Variants in THSD7B observed in about 807,000 individuals in gnomAD.
THSD7B encodes the protein thrombospondin type-1 domain-containing protein 7B.
A neutral mutation model predicts 213.6 loss-of-function variants in THSD7B; 138 were observed. The ratio of observed to expected loss-of-function variants is 0.65; its 90% CI spans 0.56 to 0.74. The LOEUF (loss-of-function observed/expected upper bound fraction) is 0.74. Among genes scored for constraint, THSD7B ranks in the 30% least tolerant of loss-of-function variants. THSD7B has a pLI of 0.00. For missense variants in THSD7B, 1,931 were observed against 1,991.5 expected (o/e 0.97, Z 0.58); for synonymous variants, 742 against 687.0 (o/e 1.08, Z -1.25).
At chr2:137,108,754 C>A (rs1688297980) in intron 4 of THSD7B, among the ~76,000 whole-genome samples, 1 of 152,138 alleles carries the variant, frequency 6.6e-6, no homozygotes, top group Non-Finnish European at 1.5e-5. Context: ...ACTCGTGAAC[C>A]ATTTCCTGAG....
intron 1 of THSD7B, among the ~76,000 whole-genome samples, chr2:136,797,530 C>T (rs1172923640): frequency 1.3e-5 from 2 of 151,962 alleles, no homozygotes; most frequent in Non-Finnish European, 1.5e-5. Flanking sequence ...CGAGCTTGTT[C>T]ATGCGTTGCA....
At chr2:136,927,895 A>G (rs1468226921) in intron 2 of THSD7B, among the ~76,000 whole-genome samples, 1 of 152,252 alleles carries the variant, frequency 6.6e-6, no homozygotes. Flanking sequence ...TGATTGCCTT[A>G]TAAAGACACT....
chr2:137,309,911 G>T (rs1312822787), intron 12 of THSD7B, among the ~76,000 whole-genome samples: 2 of 152,038 alleles, frequency 1.3e-5, no homozygotes, highest in Non-Finnish European at 2.9e-5. Context: ...TATCATTGTT[G>T]GACATTTGGG....
chr2:137,469,499 A>C (rs1688053080), intron 15 of THSD7B, among the ~76,000 whole-genome samples: 2 of 152,156 alleles, frequency 1.3e-5, no homozygotes. Context: ...TACGTGTCAC[A>C]AAATTCCCAT....
At chr2:137,279,267 AGCTCAT>A (rs993708206) in intron 12 of THSD7B, among the ~76,000 whole-genome samples, 1 of 152,112 alleles carries the variant, frequency 6.6e-6, no homozygotes, top group Non-Finnish European at 1.5e-5. Context: ...CAGGTGTGAT[AGCTCAT>A]GCCTGTAATC....
At chr2:137,412,521 CG>C (rs34211679) in intron 14 of THSD7B, among the ~76,000 whole-genome samples, 1 of 144,554 alleles carries the variant, frequency 6.9e-6, no homozygotes, top group Admixed American at 7.0e-5. Flanking sequence ...TGCTTGAACC[CG>C]GGGGGCAGAG....
At chr2:137,350,468 G>T (rs1684988200) in intron 12 of THSD7B, among the ~76,000 whole-genome samples, 1 of 151,850 alleles carries the variant, frequency 6.6e-6, no homozygotes, top group Non-Finnish European at 1.5e-5. Flanking sequence ...GAAAGTCAGA[G>T]AGTGGCACCC....
At chr2:136,894,335 C>A (rs1199563865) in intron 2 of THSD7B, among the ~76,000 whole-genome samples, 1 of 152,166 alleles carries the variant, frequency 6.6e-6, no homozygotes, top group Non-Finnish European at 1.5e-5. Context: ...TTTTCAAATA[C>A]TGATGACTGT....
chr2:137,014,315 T>G (rs1019872679), intron 2 of THSD7B, among the ~76,000 whole-genome samples: 1 of 152,180 alleles, frequency 6.6e-6, no homozygotes, highest in Admixed American at 6.5e-5. Flanking sequence ...ATCAGCCCAG[T>G]GTAATGGGGC....
At chr2:137,635,949 C>T (rs529010974) in intron 20 of THSD7B, among the ~76,000 whole-genome samples, 36 of 152,218 alleles carry the variant, frequency 2.4e-4, no homozygotes, top group African/African-American at 7.0e-4. Flanking sequence ...GTGATCTGCC[C>T]GTCTTGCATC....
At chr2:137,397,307 T>G (rs1369191047) in intron 12 of THSD7B, among the ~76,000 whole-genome samples, 1 of 152,172 alleles carries the variant, frequency 6.6e-6, no homozygotes, top group African/African-American at 2.4e-5. Flanking sequence ...TGGTACCGGT[T>G]GTTCCTTTCC....
intron 7 of THSD7B, among the ~76,000 whole-genome samples, chr2:137,176,014 A>G (rs908037756): frequency 2.6e-5 from 4 of 152,182 alleles, no homozygotes; most frequent in African/African-American, 9.6e-5. Context: ...TGTTGTTAAC[A>G]AATGCTGCTT....
chr2:137,242,655 G>T, intron 10 of THSD7B, 83 bp downstream of exon 10: 1 of 1,010,520 alleles, frequency 9.9e-7, no homozygotes, highest in Non-Finnish European at 1.5e-6. Flanking sequence ...GTTGTGGAAT[G>T]TGAGCACCTT....
intron 15 of THSD7B, among the ~76,000 whole-genome samples, chr2:137,477,237 A>G (rs1005888798): frequency 1.3e-5 from 2 of 152,082 alleles, no homozygotes; most frequent in Non-Finnish European, 2.9e-5. Context: ...CTTCTTGCTG[A>G]ATTTATCCTT....
chr2:136,943,587 A>G (rs1456354585), intron 2 of THSD7B, among the ~76,000 whole-genome samples: 3 of 152,116 alleles, frequency 2.0e-5, no homozygotes, highest in Admixed American at 2.0e-4. Flanking sequence ...CAGAGATTCC[A>G]CTTCTTCCTG....
chr2:136,795,480 C>T (rs941299103), intron 1 of THSD7B, among the ~76,000 whole-genome samples: 2 of 151,898 alleles, frequency 1.3e-5, no homozygotes, highest in Admixed American at 6.6e-5. Context: ...CTGCAAAGTC[C>T]GTTTTGCTGT....
At chr2:137,468,314 T>G (rs971234917) in intron 15 of THSD7B, among the ~76,000 whole-genome samples, 3 of 152,126 alleles carry the variant, frequency 2.0e-5, no homozygotes, top group Non-Finnish European at 4.4e-5. Flanking sequence ...AGAGGGATGA[T>G]ACATTCAGAA....
At chr2:137,184,400 C>T (rs1680513271) in intron 7 of THSD7B, among the ~76,000 whole-genome samples, 1 of 152,100 alleles carries the variant, frequency 6.6e-6, no homozygotes, top group Non-Finnish European at 1.5e-5. Flanking sequence ...CAGTGACTTA[C>T]TCCCATTTTA....
intron 5 of THSD7B, 130 bp downstream of exon 5, chr2:137,115,423 T>C (rs1688431188): frequency 1.0e-6 from 1 of 1,003,994 alleles, no homozygotes; most frequent in African/African-American, 1.7e-5. Context: ...TTGTTGACCA[T>C]TTGTATGCCG....
Sources: allele counts gnomAD v4.1 joint callset (sites outside exome capture counted in the v4.1 genomes callset), GRCh38; gene constraint gnomAD v4.1.1; transcripts MANE v1.5; gene names NCBI Gene and HGNC (gene_info 2026-07-23, HGNC 2026-07-21).